OSBPL11: variants seen among roughly 807,000 people sequenced by gnomAD.
The protein encoded by OSBPL11 is oxysterol-binding protein-related protein 11.
OSBPL11 carries 33 observed loss-of-function variants against 84.4 expected under a neutral mutation model. The ratio of observed to expected loss-of-function variants is 0.39; its 90% CI spans 0.30 to 0.52. OSBPL11 has a LOEUF of 0.52. Ranked by LOEUF, OSBPL11 falls within the 20% of genes least tolerant of loss-of-function variation. The pLI is 0.72. For missense variants in OSBPL11, 736 were observed against 901.1 expected, an observed-to-expected ratio of 0.82 and a Z score of 2.35; for synonymous variants, 276 against 310.2, an observed-to-expected ratio of 0.89 and a Z score of 1.16.
chr3:125,530,068 T>C lies in OSBPL11; in HGVS notation c.*447A>G, dbSNP rs868225052. On this transcript the variant is annotated 3_prime_UTR_variant, in exon 13 of 13. Transcript: ENST00000296220. ...TGGGTCATCTTTCTCCTCCTCTTGGTTGGTTTACAAGAGTAGTGAATACTT... is the reference window on the plus strand; with the variant it reads ...TGGGTCATCTTTCTCCTCCTCTTGGCTGGTTTACAAGAGTAGTGAATACTT... The C allele has an allele frequency of 6.4e-6, 1 of 155,270 alleles. No individual in the cohort carries two copies. 9.6% of individuals were successfully genotyped at this position (155,270 alleles called of 1,614,324 possible).
chr3:125,574,993 T>G (rs556941219), intron 5 of OSBPL11, among the ~76,000 whole-genome samples: 41 of 152,296 alleles, frequency 2.7e-4, no homozygotes, highest in African/African-American at 9.4e-4. Flanking sequence ...GTTGTCAAGT[T>G]TTGGTATAGT....
At chr3:125,540,402 C>T (rs72979716) in intron 10 of OSBPL11, among the ~76,000 whole-genome samples, 16,563 of 147,020 alleles carry the variant, frequency 0.11, 2,113 homozygotes, top group African/African-American at 0.32. Context: ...AAGAACACTA[C>T]GACTATCAGT....
In OSBPL11 at chr3:125,576,199, T is replaced by C; in HGVS notation, c.656A>G (p.Glu219Gly). ...RTNLPPDHLV[E>G]VREMMSHAEG... Reference sequence around the variant, plus strand: ...TTAATTCATACTTACTTCTCTGACTTCCACAAGATGGTCTGGAGGTAAATT... The same window carrying C: ...TTAATTCATACTTACTTCTCTGACTCCCACAAGATGGTCTGGAGGTAAATT... The change falls in exon 5 of 13, where the codon GAA becomes GGA. Residue 219 changes from glutamate to glycine, a missense_variant. Transcript: ENST00000296220. The C allele has an allele frequency of 6.2e-7, 1 of 1,605,490 alleles. No homozygotes were observed. Among genetic ancestry groups the C allele is most frequent in the Non-Finnish European group, 8.5e-7 (1 of 1,177,610 alleles).
intron 8 of OSBPL11, among the ~76,000 whole-genome samples, chr3:125,555,750 T>C (rs1476400800): frequency 1.3e-5 from 2 of 152,074 alleles, no homozygotes; most frequent in Non-Finnish European, 2.9e-5. Context: ...AGTGGCGTCA[T>C]CTCAGCTCAC....
At chr3:125,569,542 T>C (rs1047536180) in intron 5 of OSBPL11, among the ~76,000 whole-genome samples, 2 of 152,206 alleles carry the variant, frequency 1.3e-5, no homozygotes, top group African/African-American at 4.8e-5. Flanking sequence ...TCCAAACTTA[T>C]GAACACGCAG....
At chr3:125,536,467 A>T (rs1166887571) in intron 11 of OSBPL11, among the ~76,000 whole-genome samples, 1 of 152,192 alleles carries the variant, frequency 6.6e-6, no homozygotes, top group Non-Finnish European at 1.5e-5. Context: ...TATTTTAAAA[A>T]ATCACGTTCA....
At chr3:125,535,439 C>CTTTTTTTT (rs763678488) in intron 11 of OSBPL11, among the ~76,000 whole-genome samples, 7 of 84,282 alleles carry the variant, frequency 8.3e-5, no homozygotes, top group Non-Finnish European at 1.1e-4. Flanking sequence ...TCAGAAGCAT[C>CTTTTTTTT]TTTTTTTTTT....
chr3:125,554,685 T>C (rs1003094415), intron 8 of OSBPL11, among the ~76,000 whole-genome samples: 2 of 152,072 alleles, frequency 1.3e-5, no homozygotes, highest in East Asian at 1.9e-4. Context: ...TAAGAAGATA[T>C]TATATACATA....
In OSBPL11 at chr3:125,546,414, A is replaced by G. The variant is rs1935816681; in HGVS notation, c.1841+992T>C. Among the ~76,000 whole-genome samples, 5 of 151,824 alleles carry G rather than the reference A, an allele frequency of 3.3e-5. No individual in the cohort carries two copies. The South Asian group carries it at 1.0e-3, about 32-fold the overall frequency. Reference sequence around the variant, plus strand: ...AGTGGTGCAACCTCAGCTCACTGCAACCTCTGCCTACTGGGTTCAAGTGAT... The same window carrying G: ...AGTGGTGCAACCTCAGCTCACTGCAGCCTCTGCCTACTGGGTTCAAGTGAT... On this transcript the variant is annotated intron_variant, in intron 10 of 12. Transcript: ENST00000296220.
chr3:125,574,289 A>G (rs2107606201), intron 5 of OSBPL11, among the ~76,000 whole-genome samples: 1 of 152,168 alleles, frequency 6.6e-6, no homozygotes, highest in South Asian at 2.1e-4. Context: ...AAAAAAGCCA[A>G]TTTACTGAAG....
intron 1 of OSBPL11, among the ~76,000 whole-genome samples, chr3:125,593,748 C>T (rs938837461): frequency 6.6e-6 from 1 of 152,090 alleles, no homozygotes; most frequent in Admixed American, 6.6e-5. Context: ...GCTTTAATCC[C>T]TTCCAAGTTT....
intron 5 of OSBPL11, 59 bp downstream of exon 5, chr3:125,576,130 C>T: frequency 1.3e-6 from 2 of 1,499,986 alleles, no homozygotes; most frequent in South Asian, 2.4e-5. Flanking sequence ...TTTTTTGTGA[C>T]AAAACCAAGC....
At chr3:125,592,377 T>C (rs1936609616) in intron 1 of OSBPL11, among the ~76,000 whole-genome samples, 1 of 152,074 alleles carries the variant, frequency 6.6e-6, no homozygotes, top group African/African-American at 2.4e-5. Flanking sequence ...CTTTTTATAA[T>C]TAGAAATGGA....
chr3:125,538,715 C>A, intron 10 of OSBPL11, 82 bp from the exon 11 acceptor site: 2 of 1,244,006 alleles, frequency 1.6e-6, no homozygotes, highest in Non-Finnish European at 2.2e-6. Context: ...AAGAACACAG[C>A]CTGTGAATCC....
At chr3:125,593,575 G>A (rs913967948) in intron 1 of OSBPL11, among the ~76,000 whole-genome samples, 3 of 150,332 alleles carry the variant, frequency 2.0e-5, no homozygotes, top group African/African-American at 4.9e-5. Context: ...AGCCGAGATC[G>A]CGCCACCACA....
At chr3:125,550,556 A>C (rs986558320) in intron 9 of OSBPL11, among the ~76,000 whole-genome samples, 1 of 152,246 alleles carries the variant, frequency 6.6e-6, no homozygotes, top group Non-Finnish European at 1.5e-5. Context: ...CATAACGACT[A>C]TAACACAATC....
intron 5 of OSBPL11, among the ~76,000 whole-genome samples, chr3:125,572,497 ATGT>A (rs1936257088): frequency 6.6e-6 from 1 of 152,136 alleles, no homozygotes; most frequent in African/African-American, 2.4e-5. Flanking sequence ...GAATTCCCAC[ATGT>A]TGTAGGAGGG....
chr3:125,560,769 TG>T (rs1936064889), intron 7 of OSBPL11, among the ~76,000 whole-genome samples: 2 of 152,140 alleles, frequency 1.3e-5, no homozygotes, highest in African/African-American at 4.8e-5. Flanking sequence ...TTTTCTTTTT[TG>T]GGGGGAAAAT....
In OSBPL11 at chr3:125,543,184, T is replaced by G. The variant is rs373473264; in HGVS notation, c.1841+4222A>C. ...TCTCACTCTGTTGCCCAGGCTGGAGTGCAGTGGTGCAATATCGGCTCACTG... is the reference window on the plus strand; with the variant it reads ...TCTCACTCTGTTGCCCAGGCTGGAGGGCAGTGGTGCAATATCGGCTCACTG... On this transcript the variant is annotated intron_variant, in intron 10 of 12. Transcript: ENST00000296220. 4.3e-5 allele frequency among the ~76,000 whole-genome samples: 6 copies of G among 141,070 alleles called. 1 individual carries two copies. Among genetic ancestry groups the G allele is most frequent in the Admixed American group, 7.8e-5 (1 of 12,752 alleles). 92.5% of individuals were successfully genotyped at this position (141,070 alleles called of 152,430 possible). A position where few individuals can be genotyped will look rare whatever the true frequency, so the allele number is the denominator to read the frequency against.
Sources: allele counts gnomAD v4.1 joint callset (sites outside exome capture counted in the v4.1 genomes callset), GRCh38; gene constraint gnomAD v4.1.1; transcripts MANE v1.5; gene names NCBI Gene and HGNC (gene_info 2026-07-23, HGNC 2026-07-21).